Variants in ANKRD18A observed in about 807,000 individuals in gnomAD.
ANKRD18A encodes ankyrin repeat domain 18A, also known as ankyrin repeat domain-containing protein 18A.
A neutral mutation model predicts 110.6 loss-of-function variants in ANKRD18A; 72 were observed. The ratio of observed to expected loss-of-function variants is 0.65; its 90% CI spans 0.54 to 0.79. ANKRD18A has a LOEUF of 0.79. ANKRD18A is among the 30% of genes least tolerant of loss of function. The pLI, the probability that ANKRD18A is intolerant of heterozygous loss-of-function variation, is 0.00. For missense variants in ANKRD18A, 934 were observed against 1,163.3 expected (o/e 0.80, Z 2.87); for synonymous variants, 305 against 410.3 (o/e 0.74, Z 3.10).
intron 15 of ANKRD18A, 108 bp from the exon 16 acceptor site, chr9:38,572,167 G>T: frequency 1.3e-6 from 1 of 772,900 alleles, no homozygotes; most frequent in African/African-American, 1.8e-5. Flanking sequence ...ATAAGAATGA[G>T]AAATATGTAC....
At chr9:38,570,837 G>A (rs1185784228), downstream of ANKRD18A, among the ~76,000 whole-genome samples, 1 of 152,216 alleles carries the variant, frequency 6.6e-6, no homozygotes, top group African/African-American at 2.4e-5. Context: ...CACCCCGCAA[G>A]GCCCTCTGGG....
chr9:38,603,287 T>A, intron 6 of ANKRD18A, 75 bp from the exon 7 acceptor site: 1 of 1,538,996 alleles, frequency 6.5e-7, no homozygotes, highest in Non-Finnish European at 8.8e-7. Flanking sequence ...TGGCAAAGTT[T>A]CACTTACTCT....
At chr9:38,588,386 C>T (rs950561769) in intron 11 of ANKRD18A, among the ~76,000 whole-genome samples, 165 bp downstream of exon 11, 22 of 151,928 alleles carry the variant, frequency 1.4e-4, no homozygotes, top group Non-Finnish European at 2.5e-4. Context: ...GCTCACATGC[C>T]TATAAAGTTG....
Position 38,588,042 on chromosome 9 carries a change from C to T in ANKRD18A, c.2117+509G>A, listed in dbSNP as rs187257430. The stretch of plus-strand genomic sequence containing the variant: ...GGCAGAGGTTGCAGTGAGCCGAGAT[C>T]GCGTCATTGCACTCCAGCCTGGGTG... On this transcript the variant is annotated intron_variant, in intron 11 of 15. Transcript: ENST00000399703. 1.7e-3 allele frequency among the ~76,000 whole-genome samples: 260 copies of T among 152,210 alleles called. 1 individual carries two copies. The highest frequency in any genetic ancestry group is 5.6e-3 in the African/African-American group (234 of 41,524).
Position 38,593,167 on chromosome 9 carries a change from G to C in ANKRD18A, c.2004+593C>G, listed in dbSNP as rs902026994. Among the ~76,000 whole-genome samples, 4 of 152,280 alleles carry C rather than the reference G, an allele frequency of 2.6e-5. No individual in the cohort carries two copies. In the East Asian group the frequency reaches 7.7e-4, roughly 29 times the overall value. On this transcript the variant is annotated intron_variant, in intron 10 of 15. Transcript: ENST00000399703. ...ATAATTTTCTGAGCTCTCCATTTTG[G>C]ATGTACATACTCTATTAGATCTGAG...
chr9:38,610,213 A>G, intron 5 of ANKRD18A, 60 bp downstream of exon 5: 1 of 1,453,548 alleles, frequency 6.9e-7, no homozygotes, highest in Non-Finnish European at 9.1e-7. Flanking sequence ...AAGATGCAAT[A>G]GTTACAATTA....
At chr9:38,610,696 CT>C (rs549920863) in intron 4 of ANKRD18A, among the ~76,000 whole-genome samples, 9 of 152,120 alleles carry the variant, frequency 5.9e-5, no homozygotes, top group Non-Finnish European at 1.2e-4. Context: ...AGAAACTGTG[CT>C]GAGGTCACTT....
At chr9:38,608,550 TTATA>T (rs1471093328) in intron 5 of ANKRD18A, among the ~76,000 whole-genome samples, 1 of 147,120 alleles carries the variant, frequency 6.8e-6, no homozygotes, top group Non-Finnish European at 1.5e-5. Flanking sequence ...AATATATAGA[TTATA>T]TAATCTATAA....
rs1289017159 is a variant in ANKRD18A at position 38,578,120 on chromosome 9, G to A, written c.2276C>T (p.Ala759Val). 3.9e-6 allele frequency: 6 copies of A among 1,547,184 alleles called. No individual in the cohort carries two copies. Among genetic ancestry groups the A allele is most frequent in the Admixed American group, 2.0e-5 (1 of 49,952 alleles). ...KFNDLVAEKE[A>V]VSSECVNLAK... Reference sequence around the variant, plus strand: ...CAAATTGACACATTCTGAAGACACAGCTTCCTTCTCGGCCACAAGATCATT... The same window carrying A: ...CAAATTGACACATTCTGAAGACACAACTTCCTTCTCGGCCACAAGATCATT... The change falls in exon 13 of 16, where the codon GCT becomes GTT. Residue 759 changes from alanine (A) to valine (V), a missense_variant. Around this residue, in one of 4 missense-constraint regions of ANKRD18A, gnomAD observed 79 missense variants for 122.8 expected, o/e 0.64. Transcript: ENST00000399703.
At chr9:38,582,426 A>C (rs1824204218) in intron 12 of ANKRD18A, among the ~76,000 whole-genome samples, 1 of 152,204 alleles carries the variant, frequency 6.6e-6, no homozygotes, top group African/African-American at 2.4e-5. Flanking sequence ...TTATTATGAC[A>C]TAAGACAACT....
chr9:38,599,782 G>GA (rs1397854463), intron 8 of ANKRD18A, among the ~76,000 whole-genome samples: 1 of 152,032 alleles, frequency 6.6e-6, no homozygotes, highest in Admixed American at 6.6e-5. Flanking sequence ...AATTTTAAAG[G>GA]AAGTCCTGAA....
intron 8 of ANKRD18A, 32 bp downstream of exon 8, chr9:38,601,099 G>A: frequency 6.5e-7 from 1 of 1,533,606 alleles, no homozygotes; most frequent in South Asian, 1.2e-5. Context: ...AAACAAACCA[G>A]TATTAAACCA....
At chr9:38,614,227 T>G (rs1307644410) in intron 3 of ANKRD18A, among the ~76,000 whole-genome samples, 7,051 of 144,124 alleles carry the variant, frequency 0.049, 526 homozygotes, top group African/African-American at 0.16. Flanking sequence ...AGGTTTTTTT[T>G]TTTTTTTTTT....
Position 38,596,131 on chromosome 9 carries a change from T to C in ANKRD18A, c.1209A>G (p.Ser403=). Residue 403 remains serine (S), a synonymous_variant, in exon 9 of 16, where the codon TCA becomes TCG. Transcript: ENST00000399703. Reference sequence around the variant, plus strand: ...TGTTGTGTTTTTCCTTCTCCAATTCTGAATTCAGCCTTGCATTCTCAGCTT... The same window carrying C: ...TGTTGTGTTTTTCCTTCTCCAATTCCGAATTCAGCCTTGCATTCTCAGCTT... ...DLKAENARLN[S]ELEKEKHNKE... 1 of 1,550,796 alleles carries C rather than the reference T, an allele frequency of 6.4e-7. No individual in the cohort carries two copies. The highest frequency in any genetic ancestry group is 8.7e-7 in the Non-Finnish European group (1 of 1,146,602).
In ANKRD18A at chr9:38,596,031, C is replaced by T. The variant is rs1181981638; in HGVS notation, c.1309G>A (p.Val437Met). 6.5e-7 allele frequency: 1 copy of T among 1,550,144 alleles called. No homozygotes were observed. The highest frequency in any genetic ancestry group is 2.0e-5 in the Admixed American group (1 of 50,682). Reference protein sequence around the residue: ...ATAINEYNEIVERKDLELVLW... With the variant: ...ATAINEYNEIMERKDLELVLW... ...ACTAGTTCTAGGTCTTTTCTTTCCACAATTTCATTGTACTCATTTATAGCA... is the reference window on the plus strand; with the variant it reads ...ACTAGTTCTAGGTCTTTTCTTTCCATAATTTCATTGTACTCATTTATAGCA... The change falls in exon 9 of 16, where the codon GTG (valine) becomes ATG (methionine). Residue 437 changes from valine (V) to methionine (M), a missense_variant. Physicochemically the swap from Val to Met is conservative, Grantham distance 21. Coordinates refer to ENST00000399703, the MANE Select transcript of ANKRD18A (RefSeq NM_147195.4).
At chr9:38,571,000 C>T (rs1406831310), downstream of ANKRD18A, 29 of 1,123,032 alleles carry the variant, frequency 2.6e-5, no homozygotes, top group Admixed American at 5.7e-4. Context: ...TGAAGAGCCC[C>T]GACCTAGAGA....
At position 38,607,443 on chromosome 9, in the gene ANKRD18A, A is replaced by C. The variant is rs192862367; in HGVS notation, c.791T>G (p.Leu264Arg). 4.7e-5 allele frequency: 71 copies of C among 1,504,166 alleles called. No homozygotes were observed. The Admixed American group carries it at 1.3e-3, about 27-fold the overall frequency. The allele number at this position is 1,504,166 out of a possible 1,614,324, so 93.2% of individuals were successfully genotyped here. The change falls in exon 6 of 16, where the codon CTT (leucine) becomes CGT (arginine). Residue 264 changes from leucine to arginine, a missense_variant. Physicochemically the swap from Leu to Arg is moderately radical, Grantham distance 102. Coordinates refer to ENST00000399703, the MANE Select transcript of ANKRD18A (RefSeq NM_147195.4). The part of the protein sequence containing the change: ...EHKNKMLKNH[L>R]RNDNQETAAM... Reference sequence around the variant, plus strand: ...AGTCTTACCTTGATTGTCATTTCGAAGATGATTTTTAAGCATTTTATTTTT... The same window carrying C: ...AGTCTTACCTTGATTGTCATTTCGACGATGATTTTTAAGCATTTTATTTTT...
chr9:38,587,235 C>T (rs1397762993), intron 11 of ANKRD18A, among the ~76,000 whole-genome samples: 2 of 152,260 alleles, frequency 1.3e-5, no homozygotes, highest in East Asian at 3.9e-4. Context: ...TCTTTACTGA[C>T]ATAATGTCAA....
Position 38,615,764 on chromosome 9 carries a change from C to G in ANKRD18A, c.325G>C (p.Val109Leu). The G allele has an allele frequency of 6.2e-7, 1 of 1,612,610 alleles. No individual in the cohort carries two copies. The highest frequency in any genetic ancestry group is 8.5e-7 in the Non-Finnish European group (1 of 1,179,674). The change falls in exon 3 of 16, where the codon GTA (valine) becomes CTA (leucine). Residue 109 changes from valine to leucine, a missense_variant. By Grantham distance (32) the Val-to-Leu change is conservative (BLOSUM62 1). Around this residue, in one of 4 missense-constraint regions of ANKRD18A, gnomAD observed 630 missense variants for 797.5 expected, o/e 0.79. Transcript: ENST00000399703. ...GCACAAGCCTCTTCCTGGCTGTGTA[C>G]AGCCTATTAGTGTTAGATAAAAAAC... ...RLNRTPLMKA[V>L]HSQEEACAIV... is the part of the protein sequence containing the mutation.
Sources: gnomAD v4.1 joint callset for allele counts (sites outside exome capture counted in the v4.1 genomes callset) on GRCh38, gnomAD v4.1.1 for gene constraint, gnomAD v4.1.1 regional missense constraint, MANE v1.5 for transcripts, NCBI Gene and HGNC (gene_info 2026-07-23, HGNC 2026-07-21) for gene names.